The following PCSK2 variants were observed in gnomAD, a reference collection of about 807,000 sequenced individuals.
The protein encoded by PCSK2 is proprotein convertase subtilisin/kexin type 2, also known as neuroendocrine convertase 2.
A neutral mutation model predicts 69.7 loss-of-function variants in PCSK2; 14 were observed. The ratio of observed to expected loss-of-function variants is 0.20; its 90% CI spans 0.13 to 0.31. PCSK2 has a LOEUF of 0.31. Among genes scored for constraint, PCSK2 ranks in the 10% least tolerant of loss-of-function variants. PCSK2 has a pLI of 1.00. For missense variants in PCSK2, 544 were observed against 842.5 expected, an observed-to-expected ratio of 0.65 and a Z score of 4.39; for synonymous variants, 307 against 320.7, an observed-to-expected ratio of 0.96 and a Z score of 0.46.
At chr20:17,338,302 T>G (rs578018278) in intron 2 of PCSK2, among the ~76,000 whole-genome samples, 1 of 152,128 alleles carries the variant, frequency 6.6e-6, no homozygotes, top group Non-Finnish European at 1.5e-5. Flanking sequence ...GTTCAAGCAG[T>G]TCTCCTGCCT....
intron 4 of PCSK2, among the ~76,000 whole-genome samples, chr20:17,362,308 C>T (rs2030422810): frequency 6.6e-6 from 1 of 152,208 alleles, no homozygotes; most frequent in South Asian, 2.1e-4. Context: ...AATTACAATT[C>T]CTGGTTTCTT....
At chr20:17,296,694 G>C (rs75235819) in intron 2 of PCSK2, among the ~76,000 whole-genome samples, 2,200 of 152,234 alleles carry the variant, frequency 0.014, 48 homozygotes, top group African/African-American at 0.05. Flanking sequence ...CAGATTTTAT[G>C]CTGCATATTT....
intron 2 of PCSK2, among the ~76,000 whole-genome samples, chr20:17,291,869 C>T (rs543404868): frequency 6.6e-6 from 1 of 152,146 alleles, no homozygotes; most frequent in Non-Finnish European, 1.5e-5. Flanking sequence ...TCATTCTGAA[C>T]ATATAACTTC....
chr20:17,471,435 CGTCT>C (rs2033199224), intron 11 of PCSK2, among the ~76,000 whole-genome samples: 1 of 152,172 alleles, frequency 6.6e-6, no homozygotes, highest in Non-Finnish European at 1.5e-5. Context: ...ACTGGGCCCT[CGTCT>C]GTCATATTCA....
intron 1 of PCSK2, among the ~76,000 whole-genome samples, chr20:17,257,626 G>A (rs982123722): frequency 6.6e-6 from 1 of 152,074 alleles, no homozygotes; most frequent in African/African-American, 2.4e-5. Flanking sequence ...AATCAATAAG[G>A]CTTTTTGTTT....
rs1236694639 is a variant in PCSK2 at position 17,453,156 on chromosome 20, A to G, written c.886-586A>G. 3.9e-5 allele frequency among the ~76,000 whole-genome samples: 6 copies of G among 152,180 alleles called. No individual in the cohort carries two copies. The East Asian group carries it at 1.2e-3, about 29-fold the overall frequency. Reference sequence around the variant, plus strand: ...GCACACACACGTAAGATTTTTATATATCATGGAGTAAATGTATGCTTTATA... The same window carrying G: ...GCACACACACGTAAGATTTTTATATGTCATGGAGTAAATGTATGCTTTATA... On this transcript the variant is annotated intron_variant, in intron 8 of 11. Transcript: ENST00000262545. This position sits in a 1 kb window ranked among gnomAD's most constrained non-coding sequence, Gnocchi z 4.0.
At chr20:17,312,710 GAGAAGAGAGGT>G (rs1989555525) in intron 2 of PCSK2, among the ~76,000 whole-genome samples, 1 of 152,044 alleles carries the variant, frequency 6.6e-6, no homozygotes, top group Non-Finnish European at 1.5e-5. Flanking sequence ...TCTAGACTAT[GAGAAGAGAGGT>G]GCTGTAGTGG....
chr20:17,462,234 G>A (rs1326660505), intron 10 of PCSK2, among the ~76,000 whole-genome samples: 4 of 151,358 alleles, frequency 2.6e-5, no homozygotes, highest in African/African-American at 9.7e-5. Context: ...CTAAATGTTT[G>A]GAGGAATCCA....
chr20:17,288,581 G>A (rs1172388052), intron 2 of PCSK2, among the ~76,000 whole-genome samples: 2 of 152,210 alleles, frequency 1.3e-5, no homozygotes, highest in Non-Finnish European at 2.9e-5. Flanking sequence ...TGTAATTGGA[G>A]ATTGGGCCTT....
intron 11 of PCSK2, among the ~76,000 whole-genome samples, chr20:17,468,723 G>A (rs1411615047): frequency 6.6e-6 from 1 of 151,282 alleles, no homozygotes; most frequent in Non-Finnish European, 1.5e-5. Context: ...CCATGGGCCA[G>A]TGTCCTGCTG....
In PCSK2 at chr20:17,436,698, G is replaced by C; in HGVS notation, c.710-10G>C. On this transcript the variant is annotated splice_polypyrimidine_tract_variant and intron_variant, in intron 7 of 11. Coordinates refer to ENST00000262545, the MANE Select transcript of PCSK2 (RefSeq NM_002594.5). ...CCAAACATGGTGTCCTCTGCTCAAC[G>C]TGTCCACAGGCATCCGGATGCTGGA... 2 of 1,607,796 alleles carry C rather than the reference G, an allele frequency of 1.2e-6. No individual in the cohort carries two copies. Among genetic ancestry groups the C allele is most frequent in the Non-Finnish European group, 1.7e-6 (2 of 1,176,632 alleles).
chr20:17,429,447 A>T lies in PCSK2; in HGVS notation c.633A>T (p.Arg211=). Residue 211 remains arginine, a synonymous_variant, in exon 7 of 12, where the codon CGA becomes CGT. Coordinates refer to ENST00000262545, the MANE Select transcript of PCSK2 (RefSeq NM_002594.5). ...TDDWFNSHGT[R]CAGEVSAAAN... ...TATTTTTCCAAAGCCACGGGACCCG[A>T]TGTGCAGGAGAAGTTTCTGCTGCCG... 6.2e-7 allele frequency: 1 copy of T among 1,613,852 alleles called. No individual in the cohort carries two copies.
intron 2 of PCSK2, among the ~76,000 whole-genome samples, chr20:17,315,842 C>T (rs6044733): frequency 0.13 from 19,885 of 152,208 alleles, 2,105 homozygotes; most frequent in East Asian, 0.55. Flanking sequence ...CACCCCCGGC[C>T]GGTGTGAAGC....
At chr20:17,404,395 G>A (rs543236047) in intron 5 of PCSK2, among the ~76,000 whole-genome samples, 4 of 152,316 alleles carry the variant, frequency 2.6e-5, no homozygotes, top group African/African-American at 7.2e-5. Context: ...CAGGACACTC[G>A]TAGGTTGAGA....
intron 2 of PCSK2, among the ~76,000 whole-genome samples, chr20:17,297,786 A>C (rs1297675150): frequency 1.3e-5 from 2 of 152,144 alleles, no homozygotes; most frequent in Non-Finnish European, 2.9e-5. Flanking sequence ...CTGTCTTATT[A>C]TTACATCAGC....
At chr20:17,308,338 G>C (rs531733403) in intron 2 of PCSK2, among the ~76,000 whole-genome samples, 1 of 152,188 alleles carries the variant, frequency 6.6e-6, no homozygotes, top group Non-Finnish European at 1.5e-5. Context: ...ATGATAATGT[G>C]ATAGAAGATA....
chr20:17,258,464 C>T (rs776521151), intron 1 of PCSK2, among the ~76,000 whole-genome samples: 2 of 152,030 alleles, frequency 1.3e-5, no homozygotes, highest in Non-Finnish European at 2.9e-5. Context: ...CAACACACAG[C>T]ATTATCTTTG....
intron 1 of PCSK2, among the ~76,000 whole-genome samples, chr20:17,253,907 C>T (rs982461296): frequency 6.6e-6 from 1 of 152,114 alleles, no homozygotes; most frequent in African/African-American, 2.4e-5. Context: ...GTTGATTTTA[C>T]CCATTCTAGT....
At chr20:17,281,769 T>C (rs1481539133) in intron 2 of PCSK2, among the ~76,000 whole-genome samples, 1 of 152,176 alleles carries the variant, frequency 6.6e-6, no homozygotes, top group African/African-American at 2.4e-5. Context: ...GGTGTTCTGA[T>C]ACCTTTTCTT....
Sources: allele counts gnomAD v4.1 joint callset (sites outside exome capture counted in the v4.1 genomes callset), GRCh38; gene constraint gnomAD v4.1.1; non-coding constraint Gnocchi (gnomAD v3.1); transcripts MANE v1.5; gene names NCBI Gene and HGNC (gene_info 2026-07-23, HGNC 2026-07-21).